The following GRM5 variants were observed in gnomAD, a reference collection of about 807,000 sequenced individuals.
GRM5 encodes the protein glutamate metabotropic receptor 5.
A neutral mutation model predicts 83.1 loss-of-function variants in GRM5; 19 were observed. The observed-to-expected ratio is 0.23, with a 90% confidence interval of 0.16 to 0.34. The LOEUF (loss-of-function observed/expected upper bound fraction) is 0.34. GRM5 is among the 10% of genes least tolerant of loss of function. The probability of loss-of-function intolerance (pLI) is 1.00; values close to 1 mark genes in which losing one functional copy is unlikely to be tolerated. For missense variants in GRM5, 1,160 were observed against 1,588.3 expected, an observed-to-expected ratio of 0.73 and a Z score of 4.58; for synonymous variants, 675 against 633.6, an observed-to-expected ratio of 1.07 and a Z score of -0.98.
chr11:88,586,350 A>G (rs1178511736), intron 7 of GRM5, among the ~76,000 whole-genome samples: 1 of 152,222 alleles, frequency 6.6e-6, no homozygotes, highest in Non-Finnish European at 1.5e-5. Flanking sequence ...GAGATCTCTT[A>G]GCCATGCTGA....
rs1049569015 is a variant in GRM5 at position 88,647,297 on chromosome 11, G to A, written c.1147+5871C>T. 7.9e-5 allele frequency among the ~76,000 whole-genome samples: 12 copies of A among 152,074 alleles called. No homozygotes were observed. In the South Asian group the frequency reaches 8.3e-4, roughly 11 times the overall value. On this transcript the variant is annotated intron_variant, in intron 4 of 9. Coordinates refer to ENST00000305447, the MANE Select transcript of GRM5 (RefSeq NM_001143831.3). ...GTTCTGGCAACAGACATGAATTGAG[G>A]AAAAGGTAGCAAGTGGTAATTCAAC... is the stretch of plus-strand genomic sequence containing the variant.
At chr11:88,728,491 A>C (rs1218420794) in intron 3 of GRM5, among the ~76,000 whole-genome samples, 1 of 152,202 alleles carries the variant, frequency 6.6e-6, no homozygotes, top group Non-Finnish European at 1.5e-5. Flanking sequence ...TCCAAACAAT[A>C]GAAAAAGAGG....
intron 2 of GRM5, among the ~76,000 whole-genome samples, chr11:88,896,937 C>T (rs1397392760): frequency 6.6e-6 from 1 of 151,784 alleles, no homozygotes; most frequent in Non-Finnish European, 1.5e-5. Context: ...TAAAATTAAC[C>T]ATCATAAAGT....
chr11:88,744,207 A>G (rs899252317), intron 3 of GRM5, among the ~76,000 whole-genome samples: 2 of 152,178 alleles, frequency 1.3e-5, no homozygotes, highest in African/African-American at 4.8e-5. Context: ...GATTTACATT[A>G]AGTATTTTCA....
intron 2 of GRM5, among the ~76,000 whole-genome samples, chr11:88,865,652 A>G (rs938102934): frequency 2.0e-5 from 3 of 152,084 alleles, no homozygotes; most frequent in African/African-American, 7.2e-5. Flanking sequence ...AAGTTTTGCA[A>G]TCTATCCATC....
In GRM5 at chr11:89,048,081, A is replaced by C; in HGVS notation, c.-200-9T>G. 1 of 536,060 alleles carries C rather than the reference A, an allele frequency of 1.9e-6. No homozygotes were observed. Among genetic ancestry groups the C allele is most frequent in the South Asian group, 2.6e-5 (1 of 37,790 alleles). 33.2% of individuals were successfully genotyped at this position (536,060 alleles called of 1,614,324 possible). On this transcript the variant is annotated splice_polypyrimidine_tract_variant and intron_variant, in intron 1 of 9. Coordinates refer to ENST00000305447, the MANE Select transcript of GRM5 (RefSeq NM_001143831.3). ...GTCATGATCTTCTAAACCTGAAAAA[A>C]AAAAAATAACATGGGTCTTTAACAA...
intron 2 of GRM5, among the ~76,000 whole-genome samples, chr11:89,029,061 T>A (rs181781117): frequency 3.3e-5 from 5 of 152,330 alleles, no homozygotes. Context: ...GTTAGTTTGC[T>A]GAGAATGATG....
At chr11:88,563,381 T>G (rs1459472017) in intron 8 of GRM5, among the ~76,000 whole-genome samples, 1 of 152,190 alleles carries the variant, frequency 6.6e-6, no homozygotes, top group African/African-American at 2.4e-5. Context: ...GGAGACATAG[T>G]TACCATAATC....
At chr11:88,708,112 G>T (rs1941201939) in intron 3 of GRM5, among the ~76,000 whole-genome samples, 1 of 152,022 alleles carries the variant, frequency 6.6e-6, no homozygotes, top group Non-Finnish European at 1.5e-5. Context: ...GAGCAAAATT[G>T]CCATTTAGCT....
chr11:88,685,610 C>T (rs72956762), intron 3 of GRM5, among the ~76,000 whole-genome samples: 7,353 of 152,202 alleles, frequency 0.048, 171 homozygotes, highest in Middle Eastern at 0.075. Flanking sequence ...GCCCAGGAGG[C>T]CTAGGAAAAA....
At chr11:88,761,995 C>A (rs1000155966) in intron 3 of GRM5, among the ~76,000 whole-genome samples, 1 of 152,044 alleles carries the variant, frequency 6.6e-6, no homozygotes, top group South Asian at 2.1e-4. Flanking sequence ...TAGCCATATG[C>A]AGAAGATTCA....
intron 4 of GRM5, among the ~76,000 whole-genome samples, chr11:88,637,413 AG>A (rs895102136): frequency 6.6e-6 from 1 of 152,042 alleles, no homozygotes; most frequent in African/African-American, 2.4e-5. Context: ...CATCTGACAA[AG>A]GGCTAATATC....
At chr11:88,679,557 T>C (rs1229340855) in intron 3 of GRM5, among the ~76,000 whole-genome samples, 1 of 152,136 alleles carries the variant, frequency 6.6e-6, no homozygotes, top group Non-Finnish European at 1.5e-5. Flanking sequence ...TATCTATCAG[T>C]CTATTTGGAT....
intron 3 of GRM5, among the ~76,000 whole-genome samples, chr11:88,839,781 C>T (rs1944162990): frequency 6.6e-6 from 1 of 152,176 alleles, no homozygotes; most frequent in South Asian, 2.1e-4. Flanking sequence ...ATCTTAACTA[C>T]TAATGGCCTA....
At chr11:88,927,317 T>C (rs1253705783) in intron 2 of GRM5, among the ~76,000 whole-genome samples, 1 of 152,144 alleles carries the variant, frequency 6.6e-6, no homozygotes, top group African/African-American at 2.4e-5. Flanking sequence ...GAATATATTC[T>C]AGAAGTAAAA....
chr11:88,529,540 G>A (rs1209856868), intron 8 of GRM5, among the ~76,000 whole-genome samples: 1 of 151,850 alleles, frequency 6.6e-6, no homozygotes. Context: ...GGGGAAAGCA[G>A]ATGGAGAAGT....
At chr11:88,785,320 T>C (rs973691686) in intron 3 of GRM5, among the ~76,000 whole-genome samples, 16 of 152,104 alleles carry the variant, frequency 1.1e-4, no homozygotes, top group African/African-American at 3.9e-4. Context: ...GTTATTCTGG[T>C]AAATTTCTAA....
intron 2 of GRM5, among the ~76,000 whole-genome samples, chr11:88,939,528 T>G (rs1044390694): frequency 4.0e-5 from 6 of 151,790 alleles, no homozygotes; most frequent in African/African-American, 1.4e-4. Flanking sequence ...TCATTTTTCT[T>G]TAGTAATTCT....
At chr11:88,870,616 C>T (rs1357671589) in intron 2 of GRM5, among the ~76,000 whole-genome samples, 2 of 151,544 alleles carry the variant, frequency 1.3e-5, no homozygotes, top group Non-Finnish European at 3.0e-5. Flanking sequence ...GATAGACCAA[C>T]TAACAGATAG....
Sources: allele counts gnomAD v4.1 joint callset (sites outside exome capture counted in the v4.1 genomes callset), GRCh38; gene constraint gnomAD v4.1.1; transcripts MANE v1.5; gene names NCBI Gene and HGNC (gene_info 2026-07-23, HGNC 2026-07-21).